SNX3: variants seen among roughly 807,000 people sequenced by gnomAD.
SNX3 encodes the protein sorting nexin 3, also known as sorting nexin-3.
Under a neutral mutation model 17.7 loss-of-function variants are expected in SNX3, and 5 were observed. The observed-to-expected ratio is 0.28, with a 90% CI of 0.15 to 0.59. The LOEUF is 0.59. Ranked by LOEUF, SNX3 falls within the 20% of genes least tolerant of loss-of-function variation. SNX3 has a pLI of 0.88. For synonymous variants in SNX3, 91 were observed against 76.5 expected, an observed-to-expected ratio of 1.19 and a Z score of -0.99; for missense variants, 132 against 206.8, an observed-to-expected ratio of 0.64 and a Z score of 2.22.
intron 1 of SNX3, among the ~76,000 whole-genome samples, chr6:108,257,907 T>C (rs1287408283): frequency 6.6e-6 from 1 of 151,912 alleles, no homozygotes; most frequent in Non-Finnish European, 1.5e-5. Flanking sequence ...GAGGTTGCAG[T>C]GAGCCAAGAT....
intron 1 of SNX3, among the ~76,000 whole-genome samples, chr6:108,252,826 T>C (rs775500597): frequency 8.6e-5 from 13 of 151,960 alleles, no homozygotes; most frequent in Non-Finnish European, 1.2e-4. Flanking sequence ...TTAGTAGATA[T>C]GGGGTTTTGC....
intron 1 of SNX3, among the ~76,000 whole-genome samples, chr6:108,238,624 T>C (rs1309094527): frequency 6.6e-6 from 1 of 152,166 alleles, no homozygotes; most frequent in Non-Finnish European, 1.5e-5. Flanking sequence ...AGAAAATTTT[T>C]TTAAAAAGTG....
At chr6:108,213,024 A>C (rs1774455932) in intron 3 of SNX3, among the ~76,000 whole-genome samples, 1 of 151,298 alleles carries the variant, frequency 6.6e-6, no homozygotes, top group South Asian at 2.1e-4. Flanking sequence ...AGTAGCTGGG[A>C]CTACAGGTAA....
intron 1 of SNX3, 134 bp downstream of exon 1, chr6:108,260,626 C>T: frequency 3.0e-6 from 3 of 1,000,318 alleles, no homozygotes; most frequent in East Asian, 2.8e-5. Flanking sequence ...TGGCTCACGA[C>T]CCCGGCCCGC....
At chr6:108,241,689 T>A (rs112725488) in intron 1 of SNX3, among the ~76,000 whole-genome samples, 1 of 151,748 alleles carries the variant, frequency 6.6e-6, no homozygotes, top group East Asian at 1.9e-4. Flanking sequence ...CTAAAAAAAA[T>A]AAATAGCAAC....
intron 1 of SNX3, among the ~76,000 whole-genome samples, chr6:108,244,328 ATT>A (rs1364556392): frequency 6.6e-6 from 1 of 151,738 alleles, no homozygotes; most frequent in Non-Finnish European, 1.5e-5. Flanking sequence ...GCTAATTTTT[ATT>A]TTTTGTAGAG....
chr6:108,227,964 A>G (rs1269220848), intron 1 of SNX3, among the ~76,000 whole-genome samples: 1 of 152,156 alleles, frequency 6.6e-6, no homozygotes, highest in African/African-American at 2.4e-5. Flanking sequence ...GGACTAAACT[A>G]TTATTTACTG....
In SNX3 at chr6:108,212,107, T is replaced by C. The variant is rs1774423856; in HGVS notation, c.*42A>G. Reference sequence around the variant, plus strand: ...GTTAGAACTTCTTCACTGGTGCTTATCAATCATTAATAGTCACGTTTTTGC... The same window carrying C: ...GTTAGAACTTCTTCACTGGTGCTTACCAATCATTAATAGTCACGTTTTTGC... On this transcript the variant is annotated 3_prime_UTR_variant, in exon 4 of 4. Transcript: ENST00000230085. The C allele has an allele frequency of 2.9e-6, 3 of 1,035,806 alleles. No homozygotes were observed. Among genetic ancestry groups the C allele is most frequent in the Non-Finnish European group, 4.4e-6 (3 of 677,028 alleles). 64.2% of individuals were successfully genotyped at this position (1,035,806 alleles called of 1,614,324 possible).
chr6:108,252,082 T>TAA (rs1381655360), intron 1 of SNX3: 1 of 103,298 alleles, frequency 9.7e-6, no homozygotes, highest in African/African-American at 5.9e-5. Context: ...AATAAATAAA[T>TAA]AAAACAAACA....
At chr6:108,239,090 A>G (rs1177521787) in intron 1 of SNX3, among the ~76,000 whole-genome samples, 1 of 151,900 alleles carries the variant, frequency 6.6e-6, no homozygotes, top group African/African-American at 2.4e-5. Context: ...TTTAGTAGAG[A>G]CGGGGTTTCG....
intron 1 of SNX3, among the ~76,000 whole-genome samples, chr6:108,229,710 C>T (rs571577327): frequency 5.9e-5 from 9 of 152,236 alleles, no homozygotes; most frequent in African/African-American, 2.2e-4. Context: ...TATAAGACAG[C>T]TGAAAATGGT....
chr6:108,234,238 CAT>C (rs10655859), intron 1 of SNX3, among the ~76,000 whole-genome samples: 49 of 148,126 alleles, frequency 3.3e-4, no homozygotes, highest in East Asian at 3.9e-4. Context: ...ATATAAAAAA[CAT>C]ATATATATAT....
intron 1 of SNX3, 45 bp downstream of exon 1, chr6:108,260,715 A>G: frequency 6.2e-7 from 1 of 1,610,488 alleles, no homozygotes; most frequent in South Asian, 1.1e-5. Context: ...GGGTGACCAG[A>G]GCCAGCGGGA....
In SNX3 at chr6:108,245,292, G is replaced by A. The variant is rs533992674; in HGVS notation, c.162+15468C>T. ...ATGTCCCCGCAAAGGACATGAACTCGTTCTTTTTTATGGCTGCATAGTATT... is the reference window on the plus strand; with the variant it reads ...ATGTCCCCGCAAAGGACATGAACTCATTCTTTTTTATGGCTGCATAGTATT... On this transcript the variant is annotated intron_variant, in intron 1 of 3. Transcript: ENST00000230085. 1.6e-4 allele frequency among the ~76,000 whole-genome samples: 24 copies of A among 152,188 alleles called. No homozygotes were observed. In the South Asian group the frequency reaches 3.5e-3, roughly 22 times the overall value.
chr6:108,218,599 A>G (rs1774658750), intron 2 of SNX3, among the ~76,000 whole-genome samples: 2 of 152,388 alleles, frequency 1.3e-5, no homozygotes. Context: ...AATAACAGCC[A>G]AAAAGTAGAA....
At chr6:108,213,519 G>T (rs1371365984) in intron 3 of SNX3, among the ~76,000 whole-genome samples, 1 of 151,920 alleles carries the variant, frequency 6.6e-6, no homozygotes, top group African/African-American at 2.4e-5. Flanking sequence ...AGACACGATG[G>T]TGCGCAACTA....
At chr6:108,232,370 G>C (rs1775191963) in intron 1 of SNX3, among the ~76,000 whole-genome samples, 1 of 152,172 alleles carries the variant, frequency 6.6e-6, no homozygotes, top group Non-Finnish European at 1.5e-5. Flanking sequence ...CCATGGTATA[G>C]AGGTCTAAAA....
chr6:108,218,205 A>G (rs1774647390), intron 2 of SNX3, among the ~76,000 whole-genome samples: 2 of 152,242 alleles, frequency 1.3e-5, no homozygotes, highest in Admixed American at 1.3e-4. Flanking sequence ...TAAAAAGATG[A>G]ACCCATTGAA....
At chr6:108,250,266 T>A (rs1035876981) in intron 1 of SNX3, among the ~76,000 whole-genome samples, 1 of 152,178 alleles carries the variant, frequency 6.6e-6, no homozygotes, top group Non-Finnish European at 1.5e-5. Context: ...ATTTCAATGT[T>A]ACATGAGCAA....
Sources: gnomAD v4.1 joint callset for allele counts (sites outside exome capture counted in the v4.1 genomes callset) on GRCh38, gnomAD v4.1.1 for gene constraint, MANE v1.5 for transcripts, NCBI Gene and HGNC (gene_info 2026-07-23, HGNC 2026-07-21) for gene names.